Variants in COPB2 observed in about 807,000 individuals in gnomAD.
COPB2 encodes coat protein complex I subunit beta 2.
Under a neutral mutation model 120.8 loss-of-function variants are expected in COPB2, and 16 were observed. That is an observed-to-expected ratio of 0.13 (90% CI 0.09 to 0.20). The LOEUF (loss-of-function observed/expected upper bound fraction) is 0.20. COPB2 is among the 10% of genes least tolerant of loss of function. COPB2 has a pLI of 1.00. For synonymous variants in COPB2, 332 were observed against 366.3 expected (o/e 0.91, Z 1.07); for missense variants, 794 against 1,076.5 (o/e 0.74, Z 3.67).
rs1242302626 is a variant in COPB2 at position 139,378,047 on chromosome 3, A to G, written c.498T>C (p.Thr166=). 1.9e-6 allele frequency: 3 copies of G among 1,551,360 alleles called. No individual in the cohort carries two copies. The highest frequency in any genetic ancestry group is 2.6e-6 in the Non-Finnish European group (3 of 1,135,960). ...CAAAATGTGGATGCCCTACCTTGAT[A>G]GTCCTGTCCAAAGAGGCACTGGCAA... ...NQFASASLDR[T]IKVWQLGSSS... Residue 166 remains threonine, a synonymous_variant, in exon 5 of 22, where the codon ACT becomes ACC. Coordinates refer to ENST00000333188, the MANE Select transcript of COPB2 (RefSeq NM_004766.3).
At chr3:139,382,492 G>A (rs1941833392) in intron 2 of COPB2, 1 of 152,086 alleles carries the variant, frequency 6.6e-6, no homozygotes, top group Admixed American at 6.6e-5. Flanking sequence ...ACTAATACAG[G>A]GTATGAGTTT....
chr3:139,382,199 T>C (rs955558935), intron 2 of COPB2: 1 of 152,176 alleles, frequency 6.6e-6, no homozygotes, highest in Non-Finnish European at 1.5e-5. Flanking sequence ...TGGGAGGTGA[T>C]TGGATCATGG....
intron 7 of COPB2, 191 bp downstream of exon 7, chr3:139,374,298 C>CGATGAT (rs59409399): frequency 4.8e-4 from 237 of 494,750 alleles, no homozygotes; most frequent in African/African-American, 2.6e-3. Context: ...AGAATGATGA[C>CGATGAT]GATGATGATG....
intron 17 of COPB2, 142 bp from the exon 18 acceptor site, chr3:139,359,504 T>G (rs1375553186): frequency 1.4e-6 from 1 of 702,786 alleles, no homozygotes. Flanking sequence ...ACTTGTCTTT[T>G]AATGGTTGTT....
At chr3:139,376,913 C>A (rs1941723909) in intron 5 of COPB2, among the ~76,000 whole-genome samples, 1 of 152,184 alleles carries the variant, frequency 6.6e-6, no homozygotes, top group Admixed American at 6.5e-5. Context: ...CCACACCCAG[C>A]TAATTTTTTG....
At chr3:139,358,119 C>A in intron 21 of COPB2, 81 bp downstream of exon 21, 1 of 1,313,964 alleles carries the variant, frequency 7.6e-7, no homozygotes, top group Admixed American at 1.8e-5. Flanking sequence ...TCACTTAAAC[C>A]ACAGAGGCCT....
intron 6 of COPB2, 125 bp downstream of exon 6, chr3:139,375,343 G>T: frequency 2.3e-6 from 2 of 886,918 alleles, no homozygotes; most frequent in Non-Finnish European, 3.1e-6. Context: ...CAGTTTAGGT[G>T]CAAATACTGA....
chr3:139,380,152 C>T (rs1379013424), intron 2 of COPB2: 1 of 152,086 alleles, frequency 6.6e-6, no homozygotes, highest in African/African-American at 2.4e-5. Flanking sequence ...GCTGGGATTA[C>T]AGGTGTGCAC....
At chr3:139,377,393 G>A (rs576049439) in intron 5 of COPB2, among the ~76,000 whole-genome samples, 11 of 152,290 alleles carry the variant, frequency 7.2e-5, no homozygotes, top group African/African-American at 1.7e-4. Context: ...GTAATTCTCC[G>A]GAGGAAAATA....
At position 139,379,159 on chromosome 3, in the gene COPB2, A is replaced by G. The variant is rs1441576679; in HGVS notation, c.243T>C (p.Ile81=). The G allele has an allele frequency of 6.3e-7, 1 of 1,596,884 alleles. No individual in the cohort carries two copies. The highest frequency in any genetic ancestry group is 8.5e-7 in the Non-Finnish European group (1 of 1,174,854). The change falls in exon 4 of 22, where the codon ATT becomes ATC. Residue 81 remains isoleucine (I), a synonymous_variant. Transcript: ENST00000333188. Reference sequence around the variant, plus strand: ...CCAGAGTATTGTAATTGAACACTCTAATCTGCATGTCATCCTAGAAACAGA... The same window carrying G: ...CCAGAGTATTGTAATTGAACACTCTGATCTGCATGTCATCCTAGAAACAGA... ...WVVTGADDMQ[I]RVFNYNTLER...
At chr3:139,358,636 G>A (rs1038688485) in intron 20 of COPB2, 108 bp downstream of exon 20, 23 of 760,568 alleles carry the variant, frequency 3.0e-5, no homozygotes, top group Non-Finnish European at 4.3e-5. Context: ...AGCCTAGATC[G>A]CGCCACTGCA....
intron 10 of COPB2, among the ~76,000 whole-genome samples, chr3:139,371,357 G>A (rs1941619803): frequency 6.6e-6 from 1 of 152,174 alleles, no homozygotes; most frequent in Admixed American, 6.5e-5. Context: ...TAGCACCTCA[G>A]GACACTACAT....
At chr3:139,377,830 C>T (rs550961193) in intron 5 of COPB2, among the ~76,000 whole-genome samples, 5 of 152,276 alleles carry the variant, frequency 3.3e-5, no homozygotes, top group Non-Finnish European at 7.4e-5. Flanking sequence ...CACAGAAAAA[C>T]GCTCCTCATT....
Position 139,357,656 on chromosome 3 carries a change from T to G in COPB2, c.*207A>C. ...AAAAAAATCAAAGCCCATGTCTGTTTTAGTTAACAAGGAAAACACAGTGAT... is the reference window on the plus strand; with the variant it reads ...AAAAAAATCAAAGCCCATGTCTGTTGTAGTTAACAAGGAAAACACAGTGAT... On this transcript the variant is annotated 3_prime_UTR_variant, in exon 22 of 22. Transcript: ENST00000333188. The G allele has an allele frequency of 2.5e-6, 1 of 401,596 alleles. No homozygotes were observed. Among genetic ancestry groups the G allele is most frequent in the East Asian group, 3.8e-5 (1 of 26,646 alleles). The allele number at this position is 401,596 out of a possible 1,614,324, so 24.9% of individuals were successfully genotyped here. A position where few individuals can be genotyped will look rare whatever the true frequency, so the allele number is the denominator to read the frequency against.
intron 15 of COPB2, 23 bp downstream of exon 15, chr3:139,366,545 A>G (rs1941519027): frequency 6.4e-7 from 1 of 1,561,860 alleles, no homozygotes; most frequent in Non-Finnish European, 8.7e-7. Flanking sequence ...AAAAAACAAA[A>G]AGAAAAAAAC....
chr3:139,365,113 T>C (rs115011140), intron 15 of COPB2, among the ~76,000 whole-genome samples: 267 of 152,228 alleles, frequency 1.8e-3, no homozygotes, highest in African/African-American at 5.9e-3. Context: ...GATATCACCA[T>C]AGAACGATTC....
rs980618971 is a variant in COPB2, at chr3:139,379,243, G to A, written c.229-70C>T. ...ATTATACAAAAAAACTATATCACAG[G>A]CTCAAGGAATAAAGTCTATGCCTCA... is the stretch of plus-strand genomic sequence containing the variant. On this transcript the variant is annotated intron_variant, in intron 3 of 21. Coordinates refer to ENST00000333188, the MANE Select transcript of COPB2 (RefSeq NM_004766.3). The A allele has an allele frequency of 3.9e-6, 6 of 1,549,386 alleles. No individual in the cohort carries two copies. In the African/African-American group the frequency reaches 5.5e-5, roughly 14 times the overall value.
intron 16 of COPB2, among the ~76,000 whole-genome samples, chr3:139,361,959 A>T (rs2107797373): frequency 6.6e-6 from 1 of 152,324 alleles, no homozygotes; most frequent in South Asian, 2.1e-4. Context: ...GAGTGCCACC[A>T]AGGCAGCACT....
At position 139,387,208 on chromosome 3, in the gene COPB2, CAAGA is replaced by C. The variant is rs200834068; in HGVS notation, c.3+2336_3+2339del. Among the ~76,000 whole-genome samples the C allele has an allele frequency of 6.9e-3, 1,002 of 144,828 alleles. 3 individuals carry two copies. The highest frequency in any genetic ancestry group is 0.014 in the Middle Eastern group (4 of 290). On this transcript the variant is annotated intron_variant, in intron 1 of 21. Transcript: ENST00000333188. ...CCTGGGCGACAGAGTGAGATTCTGT[CAAGA>C]AAGAAAGAAAGAAAGAAAGAAGGAA...
Sources: gnomAD v4.1 joint callset for allele counts (sites outside exome capture counted in the v4.1 genomes callset) on GRCh38, gnomAD v4.1.1 for gene constraint, MANE v1.5 for transcripts, NCBI Gene and HGNC (gene_info 2026-07-23, HGNC 2026-07-21) for gene names.